Variants in TDRD3 observed in about 807,000 individuals in gnomAD.
TDRD3 encodes the protein tudor domain-containing protein 3.
Under a neutral mutation model 86.7 loss-of-function variants are expected in TDRD3, and 45 were observed. The observed-to-expected ratio is 0.52, with a 90% confidence interval of 0.41 to 0.67. The LOEUF (loss-of-function observed/expected upper bound fraction) is 0.67. Ranked by LOEUF, TDRD3 falls within the 30% of genes least tolerant of loss-of-function variation. The pLI is 0.00. For synonymous variants in TDRD3, 298 were observed against 301.7 expected (o/e 0.99, Z 0.13); for missense variants, 814 against 889.0 (o/e 0.92, Z 1.07).
At chr13:60,552,418 G>A (rs1030513358) in intron 12 of TDRD3, among the ~76,000 whole-genome samples, 3 of 152,226 alleles carry the variant, frequency 2.0e-5, no homozygotes, top group African/African-American at 7.2e-5. Context: ...AGGCTCCTAA[G>A]GCCTTGAGCA....
chr13:60,434,709 C>T (rs1438539404), intron 1 of TDRD3, among the ~76,000 whole-genome samples: 2 of 151,774 alleles, frequency 1.3e-5, no homozygotes, highest in African/African-American at 4.8e-5. Flanking sequence ...AAAAAGTGTG[C>T]TTTTGCTGGC....
chr13:60,525,694 G>T (rs1566272385), intron 10 of TDRD3, among the ~76,000 whole-genome samples: 3 of 152,072 alleles, frequency 2.0e-5, no homozygotes, highest in African/African-American at 7.2e-5. Context: ...TCCTAAGTTT[G>T]TTTATTTGTT....
intron 8 of TDRD3, 96 bp from the exon 9 acceptor site, chr13:60,509,667 G>T (rs1030145646): frequency 5.0e-6 from 7 of 1,407,166 alleles, no homozygotes; most frequent in Non-Finnish European, 5.9e-6. Context: ...ATAAGTATGG[G>T]ATGTAATTTT....
chr13:60,534,623 G>A (rs1432448164), intron 11 of TDRD3, among the ~76,000 whole-genome samples: 1 of 151,622 alleles, frequency 6.6e-6, no homozygotes, highest in Non-Finnish European at 1.5e-5. Context: ...TATATATTCT[G>A]ATTAGTATAT....
intron 1 of TDRD3, among the ~76,000 whole-genome samples, chr13:60,437,420 C>A (rs1955147987): frequency 6.6e-6 from 1 of 151,816 alleles, no homozygotes; most frequent in South Asian, 2.1e-4. Context: ...GCCACTGTGC[C>A]CAGCTGAAAA....
chr13:60,397,087 A>G, upstream of TDRD3: 1 of 345,604 alleles, frequency 2.9e-6, no homozygotes, highest in Non-Finnish European at 5.2e-6. Context: ...AACCGTCCTG[A>G]CTCCAGCCAC....
intron 10 of TDRD3, among the ~76,000 whole-genome samples, chr13:60,523,359 T>G (rs1235571165): frequency 6.6e-6 from 1 of 152,190 alleles, no homozygotes. Flanking sequence ...TTCTTGCATT[T>G]CAAATCATGG....
At chr13:60,570,450 A>G (rs1306069019) in intron 13 of TDRD3, among the ~76,000 whole-genome samples, 1 of 152,236 alleles carries the variant, frequency 6.6e-6, no homozygotes, top group African/African-American at 2.4e-5. Flanking sequence ...ACCCTTTTAC[A>G]TTGTTGGTGG....
intron 1 of TDRD3, among the ~76,000 whole-genome samples, chr13:60,398,765 G>C (rs1029306113): frequency 6.6e-6 from 1 of 152,204 alleles, no homozygotes; most frequent in African/African-American, 2.4e-5. Context: ...CGTTATTGTT[G>C]TTACAGTTTT....
chr13:60,461,878 G>A (rs1445345572), intron 4 of TDRD3, among the ~76,000 whole-genome samples: 1 of 152,172 alleles, frequency 6.6e-6, no homozygotes. Flanking sequence ...GAGACACAGT[G>A]TTCTGACAAC....
intron 10 of TDRD3, among the ~76,000 whole-genome samples, chr13:60,519,901 A>G (rs1040856836): frequency 3.9e-5 from 6 of 152,190 alleles, no homozygotes; most frequent in Admixed American, 3.3e-4. Context: ...TGGGCTTTGC[A>G]TGCATTTTAC....
At chr13:60,415,417 T>C (rs1954480029) in intron 1 of TDRD3, among the ~76,000 whole-genome samples, 3 of 152,100 alleles carry the variant, frequency 2.0e-5, no homozygotes, top group South Asian at 4.1e-4. Context: ...ATCTTTACGC[T>C]TCAGCCAACC....
chr13:60,556,673 G>A (rs1958194145), intron 12 of TDRD3, among the ~76,000 whole-genome samples: 1 of 151,998 alleles, frequency 6.6e-6, no homozygotes. Context: ...ACCTTCATGA[G>A]AACTAATAGC....
chr13:60,498,443 T>C (rs1956764051), intron 8 of TDRD3, among the ~76,000 whole-genome samples: 1 of 152,152 alleles, frequency 6.6e-6, no homozygotes, highest in African/African-American at 2.4e-5. Context: ...GCAATCAGAA[T>C]ATTCTGACTT....
At chr13:60,489,535 C>CT (rs1247745111) in intron 7 of TDRD3, among the ~76,000 whole-genome samples, 1 of 152,154 alleles carries the variant, frequency 6.6e-6, no homozygotes, top group African/African-American at 2.4e-5. Context: ...GGTTACTCAG[C>CT]TTTTTTGTAT....
chr13:60,483,187 T>G (rs1357154837), intron 5 of TDRD3, among the ~76,000 whole-genome samples: 1 of 152,094 alleles, frequency 6.6e-6, no homozygotes, highest in Non-Finnish European at 1.5e-5. Flanking sequence ...GGAAGCTTAT[T>G]TTTAGTTAAT....
intron 1 of TDRD3, among the ~76,000 whole-genome samples, chr13:60,430,726 G>A (rs889433143): frequency 2.6e-5 from 4 of 152,014 alleles, no homozygotes; most frequent in Admixed American, 6.6e-5. Context: ...TACTTGCTCA[G>A]CTGTTACAAT....
intron 7 of TDRD3, among the ~76,000 whole-genome samples, chr13:60,488,672 C>T (rs561088057): frequency 1.9e-4 from 29 of 152,156 alleles, no homozygotes; most frequent in African/African-American, 6.7e-4. Context: ...CTCCCAGGTT[C>T]AAGCTATTCT....
At chr13:60,557,033 C>T (rs373232795) in intron 12 of TDRD3, among the ~76,000 whole-genome samples, 16 of 151,836 alleles carry the variant, frequency 1.1e-4, no homozygotes, top group African/African-American at 3.1e-4. Context: ...GGAGAAACCC[C>T]GTCTCTACTA....
Sources: gnomAD v4.1 joint callset for allele counts (sites outside exome capture counted in the v4.1 genomes callset) on GRCh38, gnomAD v4.1.1 for gene constraint, MANE v1.5 for transcripts, NCBI Gene and HGNC (gene_info 2026-07-23, HGNC 2026-07-21) for gene names.